Variants in GFRAL observed in about 807,000 individuals in gnomAD.
GFRAL encodes the protein GDNF family receptor alpha like.
GFRAL carries 36 observed loss-of-function variants against 45.4 expected under a neutral mutation model. The ratio of observed to expected loss-of-function variants is 0.79; its 90% CI spans 0.61 to 1.05. GFRAL has a LOEUF of 1.05. Among genes scored for constraint, GFRAL ranks in the 50% least tolerant of loss-of-function variants. The pLI, the probability that GFRAL is intolerant of heterozygous loss-of-function variation, is 0.00. For missense variants in GFRAL, 507 were observed against 467.5 expected (o/e 1.08, Z -0.78); for synonymous variants, 166 against 154.1 (o/e 1.08, Z -0.57).
At chr6:55,379,960 A>G (rs1316502927) in intron 6 of GFRAL, among the ~76,000 whole-genome samples, 1 of 152,036 alleles carries the variant, frequency 6.6e-6, no homozygotes, top group East Asian at 1.9e-4. Context: ...AGTTTCATCC[A>G]TGTTGTTGCA....
chr6:55,380,842 C>T (rs1488506139), intron 6 of GFRAL, among the ~76,000 whole-genome samples: 1 of 151,940 alleles, frequency 6.6e-6, no homozygotes, highest in Non-Finnish European at 1.5e-5. Context: ...ATAGCTTTTC[C>T]TTGCTTTATT....
At chr6:55,369,153 T>A (rs1462210187) in intron 6 of GFRAL, among the ~76,000 whole-genome samples, 1 of 151,604 alleles carries the variant, frequency 6.6e-6, no homozygotes, top group Non-Finnish European at 1.5e-5. Context: ...GGTGCGCCGT[T>A]TTTTAAGCCC....
chr6:55,367,576 G>A (rs1768382460), intron 6 of GFRAL, among the ~76,000 whole-genome samples: 2 of 151,446 alleles, frequency 1.3e-5, no homozygotes, highest in African/African-American at 4.9e-5. Flanking sequence ...GCAGCAGCTG[G>A]TACCGGTTGT....
Position 55,401,940 on chromosome 6 carries a change from TTCTCCTCTCC to T in GFRAL, c.*90_*99del. On this transcript the variant is annotated 3_prime_UTR_variant, in exon 9 of 9. Transcript: ENST00000340465. ...TTCTTCTCTCCTCTCCTCTCCTCTCTTCTCCTCTCCTCCCCTCCCCTCTCTGTTTCTTTTT... is the reference window on the plus strand; with the variant it reads ...TTCTTCTCTCCTCTCCTCTCCTCTCTTCCCCTCCCCTCTCTGTTTCTTTTT... 1 of 739,750 alleles carries T rather than the reference TTCTCCTCTCC, an allele frequency of 1.4e-6. No homozygotes were observed. Among genetic ancestry groups the T allele is most frequent in the Non-Finnish European group, 2.3e-6 (1 of 427,800 alleles). 45.8% of individuals were successfully genotyped at this position (739,750 alleles called of 1,614,324 possible). A position where few individuals can be genotyped will look rare whatever the true frequency, so the allele number is the denominator to read the frequency against.
chr6:55,382,906 T>C (rs1768629569), intron 6 of GFRAL, among the ~76,000 whole-genome samples: 1 of 151,954 alleles, frequency 6.6e-6, no homozygotes, highest in African/African-American at 2.4e-5. Flanking sequence ...ATACTACTTT[T>C]TATCACAGAT....
At chr6:55,380,509 A>G (rs148269289) in intron 6 of GFRAL, among the ~76,000 whole-genome samples, 52 of 152,070 alleles carry the variant, frequency 3.4e-4, no homozygotes, top group Non-Finnish European at 5.3e-4. Flanking sequence ...AGCAACATGT[A>G]TTTAAAAAGT....
intron 1 of GFRAL, among the ~76,000 whole-genome samples, chr6:55,330,644 G>A (rs1015543043): frequency 6.6e-6 from 1 of 152,140 alleles, no homozygotes; most frequent in East Asian, 1.9e-4. Flanking sequence ...TGGATCATTC[G>A]GGAAACGATA....
intron 6 of GFRAL, among the ~76,000 whole-genome samples, chr6:55,383,945 A>G (rs1374139167): frequency 6.6e-6 from 1 of 152,048 alleles, no homozygotes; most frequent in East Asian, 1.9e-4. Context: ...AACATAGCAT[A>G]CACTACTGTT....
chr6:55,389,616 G>GA (rs1216695532), intron 6 of GFRAL, among the ~76,000 whole-genome samples: 2 of 151,978 alleles, frequency 1.3e-5, no homozygotes, highest in Non-Finnish European at 2.9e-5. Context: ...CAATGAGTCA[G>GA]AAAAAAGAAG....
chr6:55,398,258 A>G (rs2127367557), intron 6 of GFRAL, among the ~76,000 whole-genome samples: 1 of 152,270 alleles, frequency 6.6e-6, no homozygotes, highest in Admixed American at 6.5e-5. Flanking sequence ...ACAACTGTCT[A>G]CTCATAGTTA....
intron 3 of GFRAL, among the ~76,000 whole-genome samples, chr6:55,344,417 T>A (rs1292868727): frequency 6.6e-6 from 1 of 152,108 alleles, no homozygotes; most frequent in Non-Finnish European, 1.5e-5. Context: ...ACCCAGCATA[T>A]AAACAGAACC....
intron 1 of GFRAL, among the ~76,000 whole-genome samples, chr6:55,331,414 G>T (rs2127349437): frequency 6.6e-6 from 1 of 152,190 alleles, no homozygotes; most frequent in East Asian, 1.9e-4. Context: ...TTTTAAAGGG[G>T]TAATTAGAGA....
chr6:55,353,698 A>G (rs562720488), intron 5 of GFRAL, among the ~76,000 whole-genome samples: 1 of 152,118 alleles, frequency 6.6e-6, no homozygotes, highest in Non-Finnish European at 1.5e-5. Flanking sequence ...TTCTTTTTAC[A>G]CATTTTAACA....
intron 8 of GFRAL, 61 bp from the exon 9 acceptor site, chr6:55,401,728 CA>C (rs1768898388): frequency 5.1e-6 from 5 of 983,672 alleles, no homozygotes; most frequent in Middle Eastern, 4.4e-4. Context: ...CAAACACACA[CA>C]AGCACATTTG....
intron 6 of GFRAL, among the ~76,000 whole-genome samples, chr6:55,386,210 A>G (rs1015814195): frequency 5.9e-5 from 9 of 152,168 alleles, no homozygotes; most frequent in Non-Finnish European, 1.2e-4. Context: ...TTGTTTTAAA[A>G]ATTCTAAATA....
chr6:55,383,536 G>A (rs1210209412), intron 6 of GFRAL, among the ~76,000 whole-genome samples: 1 of 151,952 alleles, frequency 6.6e-6, no homozygotes, highest in Non-Finnish European at 1.5e-5. Context: ...GTAACATGCT[G>A]TACGGGTTTG....
chr6:55,388,356 G>A (rs944498967), intron 6 of GFRAL, among the ~76,000 whole-genome samples: 1 of 152,184 alleles, frequency 6.6e-6, no homozygotes, highest in Admixed American at 6.5e-5. Flanking sequence ...AGTTTTCTCA[G>A]AGGGCGACTC....
At chr6:55,390,175 C>A (rs1768728830) in intron 6 of GFRAL, among the ~76,000 whole-genome samples, 1 of 152,148 alleles carries the variant, frequency 6.6e-6, no homozygotes, top group East Asian at 1.9e-4. Context: ...TTTTCACCTG[C>A]AAGTCTATTG....
chr6:55,333,423 G>A (rs1171917382), intron 2 of GFRAL, among the ~76,000 whole-genome samples: 1 of 152,076 alleles, frequency 6.6e-6, no homozygotes, highest in Non-Finnish European at 1.5e-5. Context: ...TAAAAGATCA[G>A]ATTATGACAA....
Sources: gnomAD v4.1 joint callset for allele counts (sites outside exome capture counted in the v4.1 genomes callset) on GRCh38, gnomAD v4.1.1 for gene constraint, MANE v1.5 for transcripts, NCBI Gene and HGNC (gene_info 2026-07-23, HGNC 2026-07-21) for gene names.